R3HDM1: variants seen among roughly 807,000 people sequenced by gnomAD.
R3HDM1 encodes R3H domain-containing protein 1.
A neutral mutation model predicts 141.1 loss-of-function variants in R3HDM1; 46 were observed. That is an observed-to-expected ratio of 0.33 (90% CI 0.26 to 0.42). The LOEUF is 0.42. R3HDM1 is among the 10% of genes least tolerant of loss of function. R3HDM1 has a pLI of 1.00. For synonymous variants in R3HDM1, 435 were observed against 472.9 expected, an observed-to-expected ratio of 0.92 and a Z score of 1.04; for missense variants, 1,184 against 1,368.3, an observed-to-expected ratio of 0.87 and a Z score of 2.12.
rs915482140 is a variant in R3HDM1, at chr2:135,710,104, T to G, written c.2609T>G (p.Leu870Arg). The G allele has an allele frequency of 1.2e-6, 2 of 1,614,126 alleles. No homozygotes were observed. The highest frequency in any genetic ancestry group is 2.2e-5 in the East Asian group (1 of 44,892). The change falls in exon 23 of 27, where the codon CTC (leucine) becomes CGC (arginine). Residue 870 changes from leucine to arginine, a missense_variant. By Grantham distance (102) the Leu-to-Arg change is moderately radical. This residue lies in a region of R3HDM1 where 563 missense variants were observed against 562.0 expected (regional missense o/e 1.00). Coordinates refer to ENST00000683871, the MANE Select transcript of R3HDM1 (RefSeq NM_001378107.1). Reference protein sequence around the residue: ...PPGGGMVMMQLSVPNNPQSCA... With the variant: ...PPGGGMVMMQRSVPNNPQSCA... ...GGTGGGGGGATGGTGATGATGCAGCTCAGTGTACCAAACAATCCACAATCT... is the reference window on the plus strand; with the variant it reads ...GGTGGGGGGATGGTGATGATGCAGCGCAGTGTACCAAACAATCCACAATCT...
Position 135,671,420 on chromosome 2 carries a change from A to T in R3HDM1, c.2153-3912A>T, listed in dbSNP as rs181875427. 2.7e-3 allele frequency among the ~76,000 whole-genome samples: 404 copies of T among 152,008 alleles called. 3 individuals carry two copies. The highest frequency in any genetic ancestry group is 1.6e-3 in the Admixed American group (25 of 15,272). ...GTTTCGCTCTTGTCGCCCAGGCTGG[A>T]GTGCAATGGCGCGATCTCAGCTCAC... On this transcript the variant is annotated intron_variant, in intron 19 of 26. Transcript: ENST00000683871.
intron 1 of R3HDM1, among the ~76,000 whole-genome samples, chr2:135,569,308 C>A (rs1253167837): frequency 6.6e-6 from 1 of 151,968 alleles, no homozygotes; most frequent in East Asian, 1.9e-4. Context: ...CATAGTGAAA[C>A]CCCATCTCTA....
chr2:135,543,740 G>A (rs1698112962), intron 1 of R3HDM1, among the ~76,000 whole-genome samples: 1 of 152,164 alleles, frequency 6.6e-6, no homozygotes, highest in Non-Finnish European at 1.5e-5. Context: ...CTTAACCGAA[G>A]AAGATGGCTG....
intron 21 of R3HDM1, among the ~76,000 whole-genome samples, chr2:135,683,953 A>AATACATACATACATAC (rs3074523): frequency 1.3e-3 from 195 of 147,980 alleles, no homozygotes; most frequent in Admixed American, 3.7e-3. Context: ...CTGTCTCATA[A>AATACATACATACATAC]ATACATACAT....
intron 17 of R3HDM1, 94 bp downstream of exon 17, chr2:135,650,097 A>AT (rs60115740): frequency 9.5e-5 from 97 of 1,022,574 alleles, no homozygotes; most frequent in Non-Finnish European, 1.1e-4. Context: ...ATCTTTTGTG[A>AT]TTTTTTTTGG....
intron 18 of R3HDM1, among the ~76,000 whole-genome samples, chr2:135,659,182 C>T (rs760929428): frequency 1.3e-5 from 2 of 151,998 alleles, no homozygotes; most frequent in Non-Finnish European, 2.9e-5. Flanking sequence ...ACTGAAGCCT[C>T]GACCTCCCAG....
chr2:135,531,858 AGGCTCGCCTGGCCCGCGGCTGC>A (rs1170702806), intron 1 of R3HDM1: 11 of 984,914 alleles, frequency 1.1e-5, no homozygotes, highest in Non-Finnish European at 1.2e-5. Context: ...CGAGTGAGCC[AGGCTCGCCTGGCCCGCGGCTGC>A]GGCTCCGGCT....
chr2:135,707,566 C>T (rs967370912), intron 21 of R3HDM1, among the ~76,000 whole-genome samples: 1 of 152,110 alleles, frequency 6.6e-6, no homozygotes, highest in East Asian at 1.9e-4. Context: ...CTTCAGTGAC[C>T]GACCTGAGTA....
intron 5 of R3HDM1, chr2:135,620,397 A>G: frequency 3.6e-6 from 3 of 839,000 alleles, no homozygotes; most frequent in Admixed American, 6.2e-5. Flanking sequence ...TTACTGGTTG[A>G]TGAGTGTAAG....
rs746524013 is a variant in R3HDM1 at position 135,680,292 on chromosome 2, T to C, written c.2427T>C (p.Ser809=). 2.4e-5 allele frequency: 38 copies of C among 1,613,948 alleles called. No individual in the cohort carries two copies. Among genetic ancestry groups the C allele is most frequent in the Non-Finnish European group, 3.1e-5 (37 of 1,179,956 alleles). ...CAACAGGAATGCCTGTTTACTATAG[T>C]GTCATTCCACCTGGTCAACAAAACA... ...MPTTGMPVYY[S]VIPPGQQNNL... Residue 809 remains serine, a synonymous_variant, in exon 21 of 27, where the codon AGT becomes AGC. Coordinates refer to ENST00000683871, the MANE Select transcript of R3HDM1 (RefSeq NM_001378107.1).
In R3HDM1 at chr2:135,543,599, T is replaced by A. The variant is rs180679262; in HGVS notation, c.-250+11966T>A. On this transcript the variant is annotated intron_variant, in intron 1 of 26. Transcript: ENST00000683871. ...TTAAAAAATATTAAATGAGAAATTT[T>A]AAAAAATATTTAATGATTAATAAGA... 7.2e-5 allele frequency among the ~76,000 whole-genome samples: 11 copies of A among 152,246 alleles called. No individual in the cohort carries two copies. In the East Asian group the frequency reaches 2.1e-3, roughly 29 times the overall value.
intron 1 of R3HDM1, chr2:135,597,101 TC>T: frequency 6.1e-6 from 6 of 978,956 alleles, no homozygotes; most frequent in Non-Finnish European, 7.3e-6. Flanking sequence ...GTAATTTGTT[TC>T]ATATAGTCTT....
At chr2:135,644,111 A>C (rs985992069) in intron 15 of R3HDM1, among the ~76,000 whole-genome samples, 1 of 152,334 alleles carries the variant, frequency 6.6e-6, no homozygotes, top group East Asian at 1.9e-4. Context: ...TCACACACAC[A>C]CAGAGATTAT....
intron 21 of R3HDM1, among the ~76,000 whole-genome samples, chr2:135,692,258 T>C (rs1025748598): frequency 2.0e-5 from 3 of 151,998 alleles, no homozygotes; most frequent in Admixed American, 1.3e-4. Context: ...GTTTGTGTCA[T>C]GTGGAGTCTT....
At position 135,720,353 on chromosome 2, in the gene R3HDM1, G is replaced by C. The variant is rs530035259; in HGVS notation, c.2882-1571G>C. ...AGAAGTCCACACCTTGCTGCTTTCTGTTATGAAGCTCTCAGGAGAAGGGGT... is the reference window on the plus strand; with the variant it reads ...AGAAGTCCACACCTTGCTGCTTTCTCTTATGAAGCTCTCAGGAGAAGGGGT... On this transcript the variant is annotated intron_variant, in intron 24 of 26. Coordinates refer to ENST00000683871, the MANE Select transcript of R3HDM1 (RefSeq NM_001378107.1). Among the ~76,000 whole-genome samples the C allele has an allele frequency of 1.3e-5, 2 of 152,226 alleles. 1 individual carries two copies. Among genetic ancestry groups the C allele is most frequent in the South Asian group, 4.1e-4 (2 of 4,832 alleles).
chr2:135,565,422 G>A lies in R3HDM1; in HGVS notation c.-250+33789G>A, dbSNP rs181759412. On this transcript the variant is annotated intron_variant, in intron 1 of 26. Transcript: ENST00000683871. ...GCCTGGACTGGACTTAAACTTCTGG[G>A]CTCAAGGAATCCTTCTGCCTTAGCC... 8.6e-5 allele frequency among the ~76,000 whole-genome samples: 13 copies of A among 150,292 alleles called. No homozygotes were observed. The East Asian group carries it at 2.5e-3, about 29-fold the overall frequency.
chr2:135,561,194 C>T (rs1206086954), intron 1 of R3HDM1: 3 of 502,054 alleles, frequency 6.0e-6, no homozygotes, highest in African/African-American at 2.1e-5. Flanking sequence ...AATCTCTGCA[C>T]TGTACATTCT....
chr2:135,636,944 A>G (rs2063324283), intron 11 of R3HDM1, among the ~76,000 whole-genome samples: 2 of 152,190 alleles, frequency 1.3e-5, no homozygotes, highest in South Asian at 2.1e-4. Flanking sequence ...TTTATCCCCA[A>G]AACAACCCTA....
At chr2:135,664,233 T>A (rs989135914) in intron 19 of R3HDM1, among the ~76,000 whole-genome samples, 3 of 152,182 alleles carry the variant, frequency 2.0e-5, no homozygotes, top group African/African-American at 7.2e-5. Flanking sequence ...GTTTTTATTT[T>A]CTTACCTCTC....
Sources: gnomAD v4.1 joint callset for allele counts (sites outside exome capture counted in the v4.1 genomes callset) on GRCh38, gnomAD v4.1.1 for gene constraint, gnomAD v4.1.1 regional missense constraint, MANE v1.5 for transcripts, NCBI Gene and HGNC (gene_info 2026-07-23, HGNC 2026-07-21) for gene names.